Variants in TENM1 observed in about 807,000 individuals in gnomAD.
The protein encoded by TENM1 is teneurin transmembrane protein 1.
TENM1 carries 35 observed loss-of-function variants against 174.8 expected under a neutral mutation model. That is an observed-to-expected ratio of 0.20 (90% CI 0.15 to 0.27). The LOEUF (loss-of-function observed/expected upper bound fraction) is 0.27, where lower values mean the gene tolerates loss of function less well. TENM1 is among the 10% of genes least tolerant of loss of function. The probability of loss-of-function intolerance (pLI) is 1.00; values close to 1 mark genes in which losing one functional copy is unlikely to be tolerated. For missense variants in TENM1, 1,633 were observed against 2,130.1 expected (o/e 0.77, Z 4.59); for synonymous variants, 781 against 798.7 (o/e 0.98, Z 0.37).
chrX:125,002,818 C>T, the TENM1 span, among the ~76,000 whole-genome samples: 1 of 111,651 alleles, frequency 9.0e-6, no homozygotes, highest in Non-Finnish European at 1.9e-5. Flanking sequence ...GCTACAGCAA[C>T]TGCCAGATAA....
intron 27 of TENM1, 85 bp from the exon 31 acceptor site, chrX:124,392,433 T>C: frequency 1.3e-6 from 1 of 778,043 alleles, no homozygotes; most frequent in Non-Finnish European, 1.9e-6. Flanking sequence ...CCTTTCCTGA[T>C]TATCCAACGA....
chrX:124,439,324 C>T (rs1268442724), intron 23 of TENM1, among the ~76,000 whole-genome samples: 3 of 111,945 alleles, frequency 2.7e-5, no homozygotes, highest in Non-Finnish European at 5.6e-5. Context: ...TTTTTTACTT[C>T]TTGATTTCAA....
At chrX:125,118,608 T>C in the TENM1 span, among the ~76,000 whole-genome samples, 4 of 111,051 alleles carry the variant, frequency 3.6e-5, no homozygotes, top group Non-Finnish European at 7.6e-5. Context: ...GGCAAAACAT[T>C]TGAAGTGACA....
intron 11 of TENM1, among the ~76,000 whole-genome samples, chrX:124,606,821 A>G (rs752928668): frequency 8.9e-6 from 1 of 111,826 alleles, no homozygotes; most frequent in African/African-American, 3.2e-5. Flanking sequence ...GTTTATTAAC[A>G]TGGGGATAAC....
chrX:125,150,582 C>CT, the TENM1 span, among the ~76,000 whole-genome samples: 1 of 112,121 alleles, frequency 8.9e-6, no homozygotes, highest in Non-Finnish European at 1.9e-5. Context: ...TTAACCACCT[C>CT]TCTTAGTGAT....
intron 3 of TENM1, among the ~76,000 whole-genome samples, chrX:124,810,944 G>A (rs771798652): frequency 9.0e-6 from 1 of 111,473 alleles, no homozygotes; most frequent in South Asian, 3.8e-4. Context: ...GCACACAACG[G>A]GGAAAAGACA....
the TENM1 span, among the ~76,000 whole-genome samples, chrX:125,138,162 C>A: frequency 8.1e-5 from 9 of 111,295 alleles, no homozygotes; most frequent in Non-Finnish European, 1.5e-4. Flanking sequence ...AGGACATATG[C>A]ATTGAGAATC....
the TENM1 span, among the ~76,000 whole-genome samples, chrX:125,187,907 G>A: frequency 9.0e-6 from 1 of 111,503 alleles, no homozygotes; most frequent in Non-Finnish European, 1.9e-5. Flanking sequence ...CTTAGATATA[G>A]ATGTATGTAA....
At chrX:124,836,289 C>G (rs184257859) in intron 3 of TENM1, among the ~76,000 whole-genome samples, 120 of 111,433 alleles carry the variant, frequency 1.1e-3, no homozygotes, top group Middle Eastern at 4.6e-3. Flanking sequence ...CTGTTAGTGT[C>G]TAAACCTCTC....
chrX:124,429,995 T>G (rs764310492), intron 23 of TENM1, among the ~76,000 whole-genome samples: 1 of 111,676 alleles, frequency 9.0e-6, no homozygotes, highest in East Asian at 2.8e-4. Context: ...AGTCTCCACT[T>G]TAAAGTGGAG....
At chrX:124,419,438 A>G (rs2060626480) in intron 25 of TENM1, among the ~76,000 whole-genome samples, 1 of 111,860 alleles carries the variant, frequency 8.9e-6, no homozygotes, top group Admixed American at 9.5e-5. Flanking sequence ...TATACTGGTA[A>G]AAAACTCAGC....
chrX:125,153,829 T>C, the TENM1 span, among the ~76,000 whole-genome samples: 1 of 112,487 alleles, frequency 8.9e-6, no homozygotes, highest in African/African-American at 3.2e-5. Context: ...TTCCCAGCAA[T>C]GACACAGAAA....
At chrX:125,116,730 G>A in the TENM1 span, among the ~76,000 whole-genome samples, 1 of 111,972 alleles carries the variant, frequency 8.9e-6, no homozygotes, top group Non-Finnish European at 1.9e-5. Context: ...GTCAGCAAAC[G>A]GCTGGGCATG....
intron 11 of TENM1, among the ~76,000 whole-genome samples, chrX:124,641,496 A>C: frequency 8.9e-6 from 1 of 111,822 alleles, no homozygotes; most frequent in Non-Finnish European, 1.9e-5. Context: ...TATAATTTGA[A>C]ATCATCTGCA....
chrX:124,932,775 G>A (rs770228020), intron 1 of TENM1, among the ~76,000 whole-genome samples: 2 of 112,238 alleles, frequency 1.8e-5, no homozygotes, highest in East Asian at 2.8e-4. Context: ...GTAAGAATCA[G>A]TGTATTCTTA....
chrX:124,990,107 T>C, the TENM1 span, among the ~76,000 whole-genome samples: 2 of 111,584 alleles, frequency 1.8e-5, no homozygotes, highest in African/African-American at 6.5e-5. Flanking sequence ...AAAGAAACAT[T>C]TGACTAAAAT....
intron 12 of TENM1, among the ~76,000 whole-genome samples, chrX:124,564,701 T>C (rs2048901823): frequency 8.9e-6 from 1 of 112,078 alleles, no homozygotes; most frequent in African/African-American, 3.2e-5. Flanking sequence ...ATAACTGAAA[T>C]ATTTATTTTT....
chrX:124,559,847 T>C (rs1319923506), intron 14 of TENM1, among the ~76,000 whole-genome samples: 1 of 111,207 alleles, frequency 9.0e-6, no homozygotes, highest in Non-Finnish European at 1.9e-5. Context: ...AAGAAAACCA[T>C]ATACAGAATA....
At chrX:124,961,513 G>A (rs757361448) in intron 1 of TENM1, among the ~76,000 whole-genome samples, 13 of 110,772 alleles carry the variant, frequency 1.2e-4, no homozygotes, top group South Asian at 3.9e-4. Context: ...GCATGGAGGC[G>A]CGTACCTGAA....
Sources: gnomAD v4.1 joint callset for allele counts (sites outside exome capture counted in the v4.1 genomes callset) on GRCh38, gnomAD v4.1.1 for gene constraint, MANE v1.5 for transcripts, NCBI Gene and HGNC (gene_info 2026-07-23, HGNC 2026-07-21) for gene names.